The following SMC5 variants were observed in gnomAD, a reference collection of about 807,000 sequenced individuals.
The protein encoded by SMC5 is structural maintenance of chromosomes protein 5.
A neutral mutation model predicts 148.3 loss-of-function variants in SMC5; 88 were observed. The ratio of observed to expected loss-of-function variants is 0.59; its 90% CI spans 0.50 to 0.71. SMC5 has a LOEUF of 0.71. SMC5 is among the 30% of genes least tolerant of loss of function. The pLI is 0.00. For synonymous variants in SMC5, 421 were observed against 432.8 expected, an observed-to-expected ratio of 0.97 and a Z score of 0.34; for missense variants, 1,142 against 1,298.9, an observed-to-expected ratio of 0.88 and a Z score of 1.86.
At chr9:70,279,817 CAAAAAAAA>C (rs561567100) in intron 5 of SMC5, among the ~76,000 whole-genome samples, 11 of 56,604 alleles carry the variant, frequency 1.9e-4, no homozygotes, top group South Asian at 5.8e-4. Context: ...AACTCCGTTT[CAAAAAAAA>C]AAAAAAAAAA....
Position 70,274,183 on chromosome 9 carries a change from G to A in SMC5, c.381-3127G>A, listed in dbSNP as rs12339185. On this transcript the variant is annotated intron_variant, in intron 3 of 24. Transcript: ENST00000361138. ...TGCAGGCTCCGCCTCCCGGGTTCACGCCATTTTCCTGCCTCAGCCTCCCGA... is the reference window on the plus strand; with the variant it reads ...TGCAGGCTCCGCCTCCCGGGTTCACACCATTTTCCTGCCTCAGCCTCCCGA... Among the ~76,000 whole-genome samples the A allele has an allele frequency of 4.4e-3, 665 of 152,292 alleles. 7 individuals carry two copies. The highest frequency in any genetic ancestry group is 0.015 in the African/African-American group (606 of 41,562).
rs778459728 is a variant in SMC5 at position 70,305,261 on chromosome 9, T to A, written c.1479T>A (p.Asp493Glu). The change falls in exon 11 of 25, where the codon GAT becomes GAA. Residue 493 changes from aspartate (D) to glutamate (E), a missense_variant. Asp to Glu is a conservative substitution (Grantham distance 45). This residue lies in a region of SMC5 where 743 missense variants were observed against 835.7 expected (regional missense o/e 0.89). Transcript: ENST00000361138. The stretch of plus-strand genomic sequence containing the variant: ...TGTTTGTTTAGATCAATATGAAAGA[T>A]AATAAAAATGCCAAATATATTGAAA... ...EPIMLTINMK[D>E]NKNAKYIENH... 6.5e-7 allele frequency: 1 copy of A among 1,536,366 alleles called. No individual in the cohort carries two copies. The highest frequency in any genetic ancestry group is 9.0e-7 in the Non-Finnish European group (1 of 1,114,284).
intron 3 of SMC5, among the ~76,000 whole-genome samples, chr9:70,268,768 CT>C (rs1429755431): frequency 6.6e-6 from 1 of 152,110 alleles, no homozygotes; most frequent in Non-Finnish European, 1.5e-5. Context: ...ATGACAAGGA[CT>C]TGGTACTTCT....
rs202170913 is a variant in SMC5, at chr9:70,324,182, A to T, written c.2397+39A>T. The T allele has an allele frequency of 1.2e-4, 193 of 1,564,464 alleles. No individual in the cohort carries two copies. In the African/African-American group the frequency reaches 2.1e-3, roughly 17 times the overall value. Reference sequence around the variant, plus strand: ...CTTTACTTTTTATTTTGAGGTTCTAACCTCAGACTGGTTTGAAAATATATA... The same window carrying T: ...CTTTACTTTTTATTTTGAGGTTCTATCCTCAGACTGGTTTGAAAATATATA... On this transcript the variant is annotated intron_variant, in intron 17 of 24. Coordinates refer to ENST00000361138, the MANE Select transcript of SMC5 (RefSeq NM_015110.4).
chr9:70,297,324 T>C (rs2035228183), intron 8 of SMC5, among the ~76,000 whole-genome samples: 1 of 152,230 alleles, frequency 6.6e-6, no homozygotes, highest in Non-Finnish European at 1.5e-5. Flanking sequence ...CTGTGGTTGA[T>C]GGCATCACCA....
intron 18 of SMC5, chr9:70,344,571 A>G (rs2036616384): frequency 6.5e-6 from 1 of 154,642 alleles, no homozygotes; most frequent in South Asian, 2.1e-4. Flanking sequence ...AATAATAAAT[A>G]GAATATTTTA....
At chr9:70,337,586 G>C (rs757357326) in intron 17 of SMC5, among the ~76,000 whole-genome samples, 6 of 151,200 alleles carry the variant, frequency 4.0e-5, no homozygotes, top group Admixed American at 6.6e-5. Flanking sequence ...CTCCCAAATA[G>C]CTGGGACTAC....
Position 70,259,109 on chromosome 9 carries a change from C to T in SMC5, c.31C>T (p.Pro11Ser), listed in dbSNP as rs1260087317. 2 of 1,611,312 alleles carry T rather than the reference C, an allele frequency of 1.2e-6. No individual in the cohort carries two copies. Among genetic ancestry groups the T allele is most frequent in the Admixed American group, 1.7e-5 (1 of 59,622 alleles). ...GACTCCGAGCAAGAAGACGTCAACT[C>T]CAAGCCCCCAGCCTTCCAAGAGAGC... MATPSKKTST[P>S]SPQPSKRALP... The change falls in exon 1 of 25, where the codon CCA becomes TCA. Residue 11 changes from proline to serine, a missense_variant. This residue lies in a region of SMC5 where 297 missense variants were observed against 302.6 expected (regional missense o/e 0.98). Coordinates refer to ENST00000361138, the MANE Select transcript of SMC5 (RefSeq NM_015110.4).
In SMC5 at chr9:70,318,586, T is replaced by G. The variant is rs1564056386; in HGVS notation, c.1879T>G (p.Ser627Ala). 1.9e-6 allele frequency: 3 copies of G among 1,612,754 alleles called. No homozygotes were observed. The highest frequency in any genetic ancestry group is 1.7e-4 in the Middle Eastern group (1 of 6,050). Residue 627 changes from serine to alanine, a missense_variant, in exon 14 of 25, where the codon TCA becomes GCA. Around this residue, in one of 5 missense-constraint regions of SMC5, gnomAD observed 743 missense variants for 835.7 expected, o/e 0.89. Coordinates refer to ENST00000361138, the MANE Select transcript of SMC5 (RefSeq NM_015110.4). ...GTATGTGGTGAAAACTTCTTTTTAT[T>G]CAAACAAAGTTATTTCTAGTAACAC... ...EKYVVKTSFY[S>A]NKVISSNTSL...
chr9:70,270,292 C>T (rs1423449161), intron 3 of SMC5, among the ~76,000 whole-genome samples: 1 of 152,170 alleles, frequency 6.6e-6, no homozygotes, highest in Non-Finnish European at 1.5e-5. Context: ...AGGGCGAGGT[C>T]TGGAAGGGTC....
At position 70,282,554 on chromosome 9, in the gene SMC5, C is replaced by T. The variant is rs2034779282; in HGVS notation, c.952C>T (p.His318Tyr). ...AATTGAAGAAATGGAAAACGAGCGT[C>T]ACAATTTGGAGGCTCGAATCAAAGA... is the stretch of plus-strand genomic sequence containing the variant. ...CRIEEMENER[H>Y]NLEARIKEKA... Residue 318 changes from histidine (H) to tyrosine (Y), a missense_variant, in exon 7 of 25, where the codon CAC becomes TAC. By Grantham distance (83) the His-to-Tyr change is moderately conservative. Transcript: ENST00000361138. 7.6e-6 allele frequency: 12 copies of T among 1,586,792 alleles called. No homozygotes were observed. The highest frequency in any genetic ancestry group is 9.4e-6 in the Non-Finnish European group (11 of 1,170,664).
intron 6 of SMC5, among the ~76,000 whole-genome samples, chr9:70,282,034 A>AT (rs1439441206): frequency 2.5e-5 from 3 of 122,176 alleles, no homozygotes; most frequent in Non-Finnish European, 5.3e-5. Context: ...ACCCATTTTC[A>AT]TTTTGTTTTT....
chr9:70,265,277 G>T (rs2034259103), intron 2 of SMC5, among the ~76,000 whole-genome samples: 1 of 152,118 alleles, frequency 6.6e-6, no homozygotes, highest in Non-Finnish European at 1.5e-5. Context: ...TGGTCAACAT[G>T]GTGAAACCCC....
At position 70,344,252 on chromosome 9, in the gene SMC5, C is replaced by A; in HGVS notation, c.2506C>A (p.Pro836Thr). 6.8e-7 allele frequency: 1 copy of A among 1,465,812 alleles called. No individual in the cohort carries two copies. The highest frequency in any genetic ancestry group is 1.6e-5 in the South Asian group (1 of 61,784). 90.8% of individuals were successfully genotyped at this position (1,465,812 alleles called of 1,614,324 possible). A position where few individuals can be genotyped will look rare whatever the true frequency, so the allele number is the denominator to read the frequency against. Residue 836 changes from proline to threonine, a missense_variant, in exon 18 of 25, where the codon CCT becomes ACT. Coordinates refer to ENST00000361138, the MANE Select transcript of SMC5 (RefSeq NM_015110.4). ...TAACCTGGGTGCAGAGCAGACTCTT[C>A]CTCAAGAATACCAGACAGTAAGTAT... ...VCNLGAEQTLPQEYQTQVPTI... is the reference protein window; with the variant it reads ...VCNLGAEQTLTQEYQTQVPTI...
intron 15 of SMC5, among the ~76,000 whole-genome samples, chr9:70,321,153 G>A (rs191431865): frequency 0.027 from 4,185 of 152,190 alleles, 90 homozygotes; most frequent in Middle Eastern, 0.061. Flanking sequence ...TGGTAGGAGA[G>A]GAGAGGGGAA....
chr9:70,346,312 G>A (rs2036665323), intron 18 of SMC5: 2 of 400,596 alleles, frequency 5.0e-6, no homozygotes, highest in African/African-American at 4.1e-5. Context: ...AGATTAATAT[G>A]TCAAGATCTT....
At position 70,298,161 on chromosome 9, in the gene SMC5, T is replaced by C. The variant is rs767679494; in HGVS notation, c.1249T>C (p.Cys417Arg). Reference protein sequence around the residue: ...LRRIQDEKALCEGEIIDKRRE... With the variant: ...LRRIQDEKALREGEIIDKRRE... ...ACGGATTCAGGATGAAAAGGCATTATGTGAAGGCGAAATAATTGATAAGCG... is the reference window on the plus strand; with the variant it reads ...ACGGATTCAGGATGAAAAGGCATTACGTGAAGGCGAAATAATTGATAAGCG... Residue 417 changes from cysteine (C) to arginine (R), a missense_variant, in exon 9 of 25, where the codon TGT (cysteine) becomes CGT (arginine). By Grantham distance (180) the Cys-to-Arg change is radical. This residue lies in a region of SMC5 where 743 missense variants were observed against 835.7 expected (regional missense o/e 0.89). Coordinates refer to ENST00000361138, the MANE Select transcript of SMC5 (RefSeq NM_015110.4). The C allele has an allele frequency of 2.5e-6, 4 of 1,613,884 alleles. No individual in the cohort carries two copies. Among genetic ancestry groups the C allele is most frequent in the African/African-American group, 2.7e-5 (2 of 74,912 alleles).
chr9:70,323,026 A>T (rs967023895), intron 15 of SMC5, among the ~76,000 whole-genome samples: 8 of 152,120 alleles, frequency 5.3e-5, no homozygotes, highest in Admixed American at 4.6e-4. Flanking sequence ...GCACCCGCTG[A>T]ATTTGTTTGT....
At chr9:70,348,090 A>G (rs888922920) in intron 22 of SMC5, 52 bp downstream of exon 22, 31 of 1,369,552 alleles carry the variant, frequency 2.3e-5, no homozygotes, top group Non-Finnish European at 2.9e-5. Context: ...TTTTAATTAT[A>G]TGCTTAAAGT....
Sources: gnomAD v4.1 joint callset for allele counts (sites outside exome capture counted in the v4.1 genomes callset) on GRCh38, gnomAD v4.1.1 for gene constraint, gnomAD v4.1.1 regional missense constraint, MANE v1.5 for transcripts, NCBI Gene and HGNC (gene_info 2026-07-23, HGNC 2026-07-21) for gene names.